KCTD9: variants seen among roughly 807,000 people sequenced by gnomAD.
KCTD9 encodes BTB/POZ domain-containing protein KCTD9.
KCTD9 carries 17 observed loss-of-function variants against 53.3 expected under a neutral mutation model. The ratio of observed to expected loss-of-function variants is 0.32; its 90% CI spans 0.22 to 0.48. The LOEUF (loss-of-function observed/expected upper bound fraction) is 0.48, where lower values mean the gene tolerates loss of function less well. Ranked by LOEUF, KCTD9 falls within the 20% of genes least tolerant of loss-of-function variation. The pLI is 0.99. For missense variants in KCTD9, 179 were observed against 465.5 expected (o/e 0.38, Z 5.66); for synonymous variants, 128 against 162.7 (o/e 0.79, Z 1.62).
rs1487010318 is a variant in KCTD9, at chr8:25,429,934, G to C, written c.1093C>G (p.Leu365Val). The C allele has an allele frequency of 6.2e-6, 10 of 1,609,356 alleles. No individual in the cohort carries two copies. The highest frequency in any genetic ancestry group is 8.5e-6 in the Non-Finnish European group (10 of 1,175,882). ...LSGCDLQEAN[L>V]RGSNVKGAIF... ...GCTCCCTTCACGTTGGACCCTCTCAGGTTGGCTTCTTGAAGATCACACCCA... is the reference window on the plus strand; with the variant it reads ...GCTCCCTTCACGTTGGACCCTCTCACGTTGGCTTCTTGAAGATCACACCCA... The change falls in exon 12 of 12, where the codon CTG becomes GTG. Residue 365 changes from leucine to valine, a missense_variant. By Grantham distance (32) the Leu-to-Val change is conservative. Coordinates refer to ENST00000221200, the MANE Select transcript of KCTD9 (RefSeq NM_017634.4).
chr8:25,431,979 G>A (rs1295647616), intron 11 of KCTD9, among the ~76,000 whole-genome samples: 1 of 152,150 alleles, frequency 6.6e-6, no homozygotes, highest in African/African-American at 2.4e-5. Context: ...CTACTATACT[G>A]AACAGCACAG....
At chr8:25,430,789 T>C (rs2117382375) in intron 11 of KCTD9, among the ~76,000 whole-genome samples, 1 of 146,370 alleles carries the variant, frequency 6.8e-6, no homozygotes, top group South Asian at 2.2e-4. Context: ...AAATACAGAA[T>C]GGATTCCAAC....
chr8:25,453,196 A>C (rs1054760644), intron 1 of KCTD9, among the ~76,000 whole-genome samples: 14 of 151,982 alleles, frequency 9.2e-5, no homozygotes, highest in African/African-American at 2.4e-4. Context: ...ATCTCTACTA[A>C]AAATACAAAA....
chr8:25,432,850 ATAGT>A (rs1801954873), intron 10 of KCTD9, among the ~76,000 whole-genome samples: 2 of 152,310 alleles, frequency 1.3e-5, no homozygotes, highest in South Asian at 2.1e-4. Context: ...CTGTCTTATG[ATAGT>A]TAGCACTTTC....
intron 1 of KCTD9, chr8:25,451,419 T>C (rs561396933): frequency 6.6e-6 from 1 of 152,318 alleles, no homozygotes; most frequent in East Asian, 1.9e-4. Flanking sequence ...TTTGTCCTCA[T>C]ACTGAGCCAA....
intron 3 of KCTD9, among the ~76,000 whole-genome samples, chr8:25,441,757 C>T (rs908525835): frequency 3.9e-5 from 6 of 152,012 alleles, no homozygotes; most frequent in Non-Finnish European, 7.4e-5. Context: ...TCTGGGAGGC[C>T]GAGGCGGGTG....
At chr8:25,437,552 C>A (rs896687772) in intron 6 of KCTD9, among the ~76,000 whole-genome samples, 2 of 151,986 alleles carry the variant, frequency 1.3e-5, no homozygotes, top group Non-Finnish European at 2.9e-5. Flanking sequence ...GTGGCAGGTG[C>A]CTGTAGTCCC....
chr8:25,434,441 CT>C (rs11309645), intron 9 of KCTD9, among the ~76,000 whole-genome samples: 60,885 of 148,906 alleles, frequency 0.41, 12,580 homozygotes, highest in African/African-American at 0.52. Flanking sequence ...TGACAAACAT[CT>C]TTTTTTTTTT....
chr8:25,436,337 A>G lies in KCTD9; in HGVS notation c.568-7T>C, dbSNP rs2271114. ...CCTCCGGTGGTTGAGAATTCTTAAA[A>G]AAGACATTAAGAAATTAGTGGAGTC... On this transcript the variant is annotated splice_region_variant and splice_polypyrimidine_tract_variant and intron_variant, in intron 7 of 11. Transcript: ENST00000221200. 932 of 1,607,508 alleles carry G rather than the reference A, an allele frequency of 5.8e-4. 9 individuals carry two copies. In the East Asian group the frequency reaches 0.019, roughly 33 times the overall value.
chr8:25,437,283 T>A (rs915806368), intron 6 of KCTD9, among the ~76,000 whole-genome samples: 1 of 152,178 alleles, frequency 6.6e-6, no homozygotes, highest in Non-Finnish European at 1.5e-5. Context: ...CGCTCTCAAT[T>A]TGCCAAGGTC....
intron 6 of KCTD9, among the ~76,000 whole-genome samples, 200 bp downstream of exon 6, chr8:25,439,079 G>T (rs1028955625): frequency 6.6e-6 from 1 of 152,098 alleles, no homozygotes; most frequent in African/African-American, 2.4e-5. Flanking sequence ...CTACCTGAAG[G>T]ACCACCTGCC....
intron 2 of KCTD9, among the ~76,000 whole-genome samples, chr8:25,445,751 T>A (rs746034705): frequency 6.6e-6 from 1 of 151,982 alleles, no homozygotes; most frequent in African/African-American, 2.4e-5. Flanking sequence ...GCCTTTGTAA[T>A]GATTATAAAA....
At chr8:25,449,516 C>A (rs1049009391) in intron 1 of KCTD9, among the ~76,000 whole-genome samples, 27 of 152,124 alleles carry the variant, frequency 1.8e-4, no homozygotes, top group African/African-American at 6.5e-4. Context: ...ATTCAAAATA[C>A]ACTAACTTGA....
At chr8:25,444,488 T>C (rs748565255) in intron 2 of KCTD9, among the ~76,000 whole-genome samples, 153 bp from the exon 3 acceptor site, 3 of 152,144 alleles carry the variant, frequency 2.0e-5, no homozygotes, top group Non-Finnish European at 4.4e-5. Flanking sequence ...ATGCTTTGTT[T>C]AACCCCTTGA....
rs148020135 is a variant in KCTD9, at chr8:25,451,296, GCAAA to G, written c.49-5050_49-5047del. Among the ~76,000 whole-genome samples, 359 of 152,282 alleles carry G rather than the reference GCAAA, an allele frequency of 2.4e-3. 10 individuals are homozygous for G. In the East Asian group the frequency reaches 0.061, roughly 26 times the overall value. ...AGATGATTAAGTTACGGAGAAAGTT[GCAAA>G]CAGACTGGCACATGCATTCTTCTTT... On this transcript the variant is annotated intron_variant, in intron 1 of 11. Coordinates refer to ENST00000221200, the MANE Select transcript of KCTD9 (RefSeq NM_017634.4).
intron 11 of KCTD9, among the ~76,000 whole-genome samples, chr8:25,431,416 G>A (rs919518301): frequency 9.2e-5 from 14 of 152,138 alleles, no homozygotes; most frequent in South Asian, 2.1e-4. Context: ...TTGAGATCAC[G>A]GAGCAATAAG....
At chr8:25,439,934 T>C (rs1802087677) in intron 4 of KCTD9, 1 of 485,920 alleles carries the variant, frequency 2.1e-6, no homozygotes, top group African/African-American at 2.0e-5. Context: ...TACATAATAA[T>C]ATTCTTGATC....
At chr8:25,453,057 G>C (rs942096034) in intron 1 of KCTD9, among the ~76,000 whole-genome samples, 3 of 152,124 alleles carry the variant, frequency 2.0e-5, no homozygotes, top group Admixed American at 6.5e-5. Context: ...TCCCGAAGCT[G>C]ATTTTTTAAA....
At chr8:25,453,155 GA>G (rs1277890374) in intron 1 of KCTD9, among the ~76,000 whole-genome samples, 1 of 152,076 alleles carries the variant, frequency 6.6e-6, no homozygotes, top group Non-Finnish European at 1.5e-5. Context: ...GAGGTCAGCC[GA>G]GACCAGCCTG....
Sources: gnomAD v4.1 joint callset for allele counts (sites outside exome capture counted in the v4.1 genomes callset) on GRCh38, gnomAD v4.1.1 for gene constraint, MANE v1.5 for transcripts, NCBI Gene and HGNC (gene_info 2026-07-23, HGNC 2026-07-21) for gene names.